The following NPR3 variants were observed in gnomAD, a reference collection of about 807,000 sequenced individuals.
NPR3 encodes the protein natriuretic peptide receptor 3, also known as atrial natriuretic peptide receptor 3.
NPR3 carries 34 observed loss-of-function variants against 54.5 expected under a neutral mutation model. The ratio of observed to expected loss-of-function variants is 0.62; its 90% CI spans 0.47 to 0.83. The LOEUF is 0.83. Among genes scored for constraint, NPR3 ranks in the 40% least tolerant of loss-of-function variants. The probability of loss-of-function intolerance (pLI) is 0.00; values close to 1 mark genes in which losing one functional copy is unlikely to be tolerated. For missense variants in NPR3, 674 were observed against 720.8 expected (o/e 0.94, Z 0.74); for synonymous variants, 289 against 297.1 (o/e 0.97, Z 0.28).
Position 32,789,271 on chromosome 5 carries a change from T to G in NPR3, c.*2926T>G. 1 of 413,022 alleles carries G rather than the reference T, an allele frequency of 2.4e-6. No individual in the cohort carries two copies. Among genetic ancestry groups the G allele is most frequent in the Non-Finnish European group, 4.8e-6 (1 of 206,188 alleles). The allele number at this position is 413,022 out of a possible 1,614,324, so 25.6% of individuals were successfully genotyped here. A position where few individuals can be genotyped will look rare whatever the true frequency, so the allele number is the denominator to read the frequency against. The stretch of plus-strand genomic sequence containing the variant: ...TGTCTGTCTTATGGTCATCATTGTC[T>G]TCTTAGATTTTTGGGTAGGGGGGCC... On this transcript the variant is annotated 3_prime_UTR_variant, in exon 8 of 8. Coordinates refer to ENST00000265074, the MANE Select transcript of NPR3 (RefSeq NM_001204375.2).
chr5:32,724,703 A>T lies in NPR3; in HGVS notation c.775A>T (p.Ile259Phe). ...GTTGTTTGTTCCTCCCCTAGTGGTGATCATGTGTGCGAGCAGTGACACCAT... is the reference window on the plus strand; with the variant it reads ...GTTGTTTGTTCCTCCCCTAGTGGTGTTCATGTGTGCGAGCAGTGACACCAT... ...RNIQASERVV[I>F]MCASSDTIRS... Residue 259 changes from isoleucine to phenylalanine, a missense_variant, in exon 2 of 8, where the codon ATC becomes TTC. Transcript: ENST00000265074. The T allele has an allele frequency of 6.2e-7, 1 of 1,613,884 alleles. No homozygotes were observed.
intron 3 of NPR3, among the ~76,000 whole-genome samples, chr5:32,773,339 A>T (rs1052040477): frequency 6.6e-6 from 1 of 152,290 alleles, no homozygotes; most frequent in Non-Finnish European, 1.5e-5. Context: ...AATGGGTTTA[A>T]ATGTGGTATT....
chr5:32,713,991 G>C (rs1214436690), intron 1 of NPR3, among the ~76,000 whole-genome samples: 1 of 152,174 alleles, frequency 6.6e-6, no homozygotes, highest in Non-Finnish European at 1.5e-5. Flanking sequence ...GACTTGCCAC[G>C]CCTGCCACGC....
intron 2 of NPR3, among the ~76,000 whole-genome samples, chr5:32,738,106 T>TA (rs1739843123): frequency 6.6e-6 from 1 of 152,294 alleles, no homozygotes; most frequent in South Asian, 2.1e-4. Flanking sequence ...GAAATATCAA[T>TA]AATCTCAAAC....
In NPR3 at chr5:32,782,910, T is replaced by G. The variant is rs1561134501; in HGVS notation, c.1308T>G (p.Phe436Leu). Residue 436 changes from phenylalanine to leucine, a missense_variant, in exon 6 of 8, where the codon TTT (phenylalanine) becomes TTG (leucine). By Grantham distance (22) the Phe-to-Leu change is conservative. Coordinates refer to ENST00000265074, the MANE Select transcript of NPR3 (RefSeq NM_001204375.2). ...AGTQEVIGDY[F>L]GKEGRFEMRP... is the part of the protein sequence containing the mutation. The stretch of plus-strand genomic sequence containing the variant: ...CTATATAGGTTATTGGTGATTATTT[T>G]GGAAAAGAAGGTCGTTTTGAAATGC... The G allele has an allele frequency of 6.2e-7, 1 of 1,611,762 alleles. No homozygotes were observed. Among genetic ancestry groups the G allele is most frequent in the East Asian group, 2.2e-5 (1 of 44,846 alleles).
Position 32,777,788 on chromosome 5 carries a change from A to G in NPR3, c.1196-2934A>G, listed in dbSNP as rs1023618152. On this transcript the variant is annotated intron_variant, in intron 4 of 7. Coordinates refer to ENST00000265074, the MANE Select transcript of NPR3 (RefSeq NM_001204375.2). ...CAGATTGTAGTTCATGGGTGAGTAG[A>G]CCTCCAGGATTATCTTGTTTTACCT... is the stretch of plus-strand genomic sequence containing the variant. 7.9e-5 allele frequency among the ~76,000 whole-genome samples: 12 copies of G among 152,016 alleles called. No individual in the cohort carries two copies. In the East Asian group the frequency reaches 2.3e-3, roughly 29 times the overall value.
intron 3 of NPR3, among the ~76,000 whole-genome samples, chr5:32,761,797 T>G (rs1205622592): frequency 6.6e-6 from 1 of 152,076 alleles, no homozygotes; most frequent in Non-Finnish European, 1.5e-5. Context: ...AAATATAATT[T>G]TTTTTTTCAT....
intron 1 of NPR3, among the ~76,000 whole-genome samples, chr5:32,717,678 C>T (rs1375640484): frequency 9.2e-5 from 14 of 152,150 alleles, no homozygotes; most frequent in Admixed American, 7.8e-4. Context: ...TGTTCATATC[C>T]TTTGCCTACT....
chr5:32,747,144 T>G (rs1294001029), intron 3 of NPR3, among the ~76,000 whole-genome samples: 1 of 152,224 alleles, frequency 6.6e-6, no homozygotes, highest in East Asian at 1.9e-4. Flanking sequence ...CAATCATCAT[T>G]AATGTTTTAT....
intron 3 of NPR3, among the ~76,000 whole-genome samples, chr5:32,741,710 T>C (rs1740044187): frequency 6.6e-6 from 1 of 152,086 alleles, no homozygotes; most frequent in South Asian, 2.1e-4. Flanking sequence ...TATAATAACT[T>C]ATTTTAGTTC....
At chr5:32,694,830 C>G (rs1740484322) in intron 1 of NPR3, among the ~76,000 whole-genome samples, 1 of 152,054 alleles carries the variant, frequency 6.6e-6, no homozygotes, top group Non-Finnish European at 1.5e-5. Flanking sequence ...ACCCCATTAA[C>G]CATCCCTATG....
chr5:32,711,695 G>T lies in NPR3; in HGVS notation c.-82G>T. ...GGGGGCGCAGGGACCTTGGAGAGAA[G>T]AGTGGGGAGGAAAGAGGAAGGGTGG... On this transcript the variant is annotated 5_prime_UTR_variant, in exon 1 of 8. Coordinates refer to ENST00000265074, the MANE Select transcript of NPR3 (RefSeq NM_001204375.2). 7.3e-7 allele frequency: 1 copy of T among 1,376,792 alleles called. No individual in the cohort carries two copies. The highest frequency in any genetic ancestry group is 3.6e-5 in the Admixed American group (1 of 27,736). The allele number at this position is 1,376,792 out of a possible 1,614,324, so 85.3% of individuals were successfully genotyped here.
chr5:32,784,422 C>G (rs1203070172), intron 6 of NPR3, among the ~76,000 whole-genome samples: 1 of 152,166 alleles, frequency 6.6e-6, no homozygotes, highest in Non-Finnish European at 1.5e-5. Flanking sequence ...CTCCTGACCT[C>G]AGGTGATCCA....
intron 3 of NPR3, among the ~76,000 whole-genome samples, chr5:32,768,904 A>G (rs1370117805): frequency 1.3e-5 from 2 of 152,226 alleles, no homozygotes; most frequent in African/African-American, 2.4e-5. Flanking sequence ...CACTATGCAC[A>G]GAGTTGTAGA....
chr5:32,743,987 A>ATCTTTTTTTTTTTTTTT (rs1425701544), intron 3 of NPR3, among the ~76,000 whole-genome samples: 2 of 113,834 alleles, frequency 1.8e-5, no homozygotes, highest in African/African-American at 3.5e-5. Context: ...ATTCTGATGC[A>ATCTTTTTTTTTTTTTTT]TTTTTTTTTT....
Position 32,789,064 on chromosome 5 carries a change from A to T in NPR3, c.*2719A>T, listed in dbSNP as rs1742773557. ...TAATTCATACTCTACTAGTAGTCAC[A>T]TGTCATATAGTAAAATAAATAGGGC... On this transcript the variant is annotated 3_prime_UTR_variant, in exon 8 of 8. Coordinates refer to ENST00000265074, the MANE Select transcript of NPR3 (RefSeq NM_001204375.2). 5.9e-6 allele frequency: 1 copy of T among 170,150 alleles called. No individual in the cohort carries two copies. Among genetic ancestry groups the T allele is most frequent in the African/African-American group, 2.4e-5 (1 of 41,590 alleles). 10.5% of individuals were successfully genotyped at this position (170,150 alleles called of 1,614,324 possible). A position where few individuals can be genotyped will look rare whatever the true frequency, so the allele number is the denominator to read the frequency against.
intron 5 of NPR3, among the ~76,000 whole-genome samples, chr5:32,781,591 T>C (rs1742341020): frequency 6.6e-6 from 1 of 152,232 alleles, no homozygotes; most frequent in African/African-American, 2.4e-5. Context: ...TAATTATTTA[T>C]TTTTAATGAC....
intron 3 of NPR3, among the ~76,000 whole-genome samples, chr5:32,745,313 C>A (rs1411340200): frequency 1.3e-5 from 2 of 152,292 alleles, no homozygotes. Flanking sequence ...CAGTGGGGCT[C>A]TAGGTATGGC....
At chr5:32,776,390 T>A (rs1205617732) in intron 4 of NPR3, among the ~76,000 whole-genome samples, 2 of 152,254 alleles carry the variant, frequency 1.3e-5, no homozygotes, top group African/African-American at 4.8e-5. Context: ...CTCTTGCACA[T>A]CTTGAAGAAT....
Sources: gnomAD v4.1 joint callset for allele counts (sites outside exome capture counted in the v4.1 genomes callset) on GRCh38, gnomAD v4.1.1 for gene constraint, MANE v1.5 for transcripts, NCBI Gene and HGNC (gene_info 2026-07-23, HGNC 2026-07-21) for gene names.